WWOX: variants seen among roughly 807,000 people sequenced by gnomAD.
The protein encoded by WWOX is WW domain-containing oxidoreductase.
WWOX carries 69 observed loss-of-function variants against 46.2 expected under a neutral mutation model. The ratio of observed to expected loss-of-function variants is 1.49; its 90% confidence interval spans 1.23 to 1.82. The LOEUF is 1.82. Ranked by LOEUF, WWOX falls within the 40% of genes most tolerant of loss-of-function variation. The pLI, the probability that WWOX is intolerant of heterozygous loss-of-function variation, is 0.00. For synonymous variants in WWOX, 359 were observed against 202.6 expected (o/e 1.77, Z -6.56); for missense variants, 919 against 542.6 (o/e 1.69, Z -6.89).
At chr16:79,085,803 G>C (rs373015490) in intron 8 of WWOX, among the ~76,000 whole-genome samples, 139 of 152,208 alleles carry the variant, frequency 9.1e-4, no homozygotes, top group African/African-American at 3.3e-3. Context: ...CCCAGCACTT[G>C]CGGAAGCTGA....
intron 8 of WWOX, among the ~76,000 whole-genome samples, chr16:79,139,852 T>G (rs1236009651): frequency 1.3e-5 from 2 of 152,228 alleles, no homozygotes; most frequent in African/African-American, 4.8e-5. Context: ...AAACTGATAC[T>G]AATTCTGTTA....
chr16:79,196,185 AGTGAGAGACCAAG>A (rs2051236406), intron 8 of WWOX, among the ~76,000 whole-genome samples: 1 of 152,266 alleles, frequency 6.6e-6, no homozygotes. Flanking sequence ...GTTGGTGAAC[AGTGAGAGACCAAG>A]GTGAGAGACT....
At chr16:78,807,004 G>A (rs187454197) in intron 8 of WWOX, among the ~76,000 whole-genome samples, 2 of 152,222 alleles carry the variant, frequency 1.3e-5, no homozygotes, top group African/African-American at 4.8e-5. Context: ...ATGAAATGGG[G>A]GACACTAATG....
intron 5 of WWOX, among the ~76,000 whole-genome samples, chr16:78,260,899 T>C (rs888610210): frequency 2.2e-5 from 3 of 138,668 alleles, no homozygotes; most frequent in African/African-American, 2.8e-5. Context: ...ATCACACCAC[T>C]GCACTCCAGC....
intron 8 of WWOX, chr16:79,004,129 C>T (rs2047147046): frequency 1.3e-5 from 2 of 152,218 alleles, no homozygotes; most frequent in South Asian, 2.1e-4. Context: ...ATCTCTTTAT[C>T]ATCCGTCTAC....
intron 8 of WWOX, among the ~76,000 whole-genome samples, chr16:79,061,506 G>T (rs1291272241): frequency 6.6e-6 from 1 of 152,180 alleles, no homozygotes; most frequent in African/African-American, 2.4e-5. Flanking sequence ...TACCTGCGGG[G>T]ATACCCATTC....
At chr16:78,292,617 CTT>C (rs77749292) in intron 5 of WWOX, among the ~76,000 whole-genome samples, 1 of 149,976 alleles carries the variant, frequency 6.7e-6, no homozygotes, top group African/African-American at 2.4e-5. Context: ...TGTTCTATAT[CTT>C]TTTTTTTTAA....
intron 8 of WWOX, among the ~76,000 whole-genome samples, chr16:78,895,177 A>G (rs2044674564): frequency 1.3e-5 from 2 of 152,358 alleles, no homozygotes; most frequent in African/African-American, 4.8e-5. Flanking sequence ...TGATAGCATC[A>G]ACGGCTTTAA....
At chr16:78,362,703 G>T (rs543015477) in intron 5 of WWOX, among the ~76,000 whole-genome samples, 1 of 152,154 alleles carries the variant, frequency 6.6e-6, no homozygotes, top group African/African-American at 2.4e-5. Context: ...GGGGCTTGGA[G>T]GGTTTCCAGG....
chr16:78,463,283 G>A (rs775567917), intron 8 of WWOX, among the ~76,000 whole-genome samples: 1 of 152,168 alleles, frequency 6.6e-6, no homozygotes, highest in Non-Finnish European at 1.5e-5. Context: ...GTATAGGTAG[G>A]CATTGTCCAT....
intron 5 of WWOX, among the ~76,000 whole-genome samples, chr16:78,249,879 A>G (rs1410176811): frequency 6.6e-6 from 1 of 152,138 alleles, no homozygotes; most frequent in East Asian, 1.9e-4. Context: ...AAGGGGCACC[A>G]GAAGGAGAAA....
intron 8 of WWOX, among the ~76,000 whole-genome samples, chr16:78,926,016 T>C (rs2045489025): frequency 6.6e-6 from 1 of 152,160 alleles, no homozygotes; most frequent in Non-Finnish European, 1.5e-5. Flanking sequence ...GTGTAAATTG[T>C]AGAGTCTATG....
chr16:78,739,387 A>G (rs28591367), intron 8 of WWOX, among the ~76,000 whole-genome samples: 25,787 of 152,032 alleles, frequency 0.17, 2,913 homozygotes, highest in African/African-American at 0.32. Context: ...GGAGGCACCC[A>G]ACAGTGATTG....
intron 8 of WWOX, among the ~76,000 whole-genome samples, chr16:78,706,865 C>T (rs946498070): frequency 1.1e-4 from 16 of 152,062 alleles, no homozygotes; most frequent in Non-Finnish European, 8.8e-5. Context: ...TGACGCAATC[C>T]TGGCTGGCTG....
At chr16:78,757,002 C>G (rs753707705) in intron 8 of WWOX, 1 of 702,820 alleles carries the variant, frequency 1.4e-6, no homozygotes, top group South Asian at 1.5e-5. Flanking sequence ...ACTGAGCCTC[C>G]TGCCAACAGC....
chr16:78,461,437 G>T (rs976843986), intron 8 of WWOX, among the ~76,000 whole-genome samples: 1 of 152,198 alleles, frequency 6.6e-6, no homozygotes, highest in African/African-American at 2.4e-5. Flanking sequence ...AGAGAATTCT[G>T]GGCATGAGAA....
In WWOX at chr16:78,158,248, G is replaced by A. The variant is rs921788405; in HGVS notation, c.410-5935G>A. Among the ~76,000 whole-genome samples, 4 of 152,260 alleles carry A rather than the reference G, an allele frequency of 2.6e-5. No homozygotes were observed. In the East Asian group the frequency reaches 5.8e-4, roughly 22 times the overall value. ...GAAGATAACGGTATGCTGATTTTGC[G>A]TGCATATTAACATTATCTTGTAAAC... On this transcript the variant is annotated intron_variant, in intron 4 of 8. Coordinates refer to ENST00000566780, the MANE Select transcript of WWOX (RefSeq NM_016373.4).
intron 5 of WWOX, among the ~76,000 whole-genome samples, chr16:78,296,604 A>G (rs958044344): frequency 7.9e-5 from 12 of 151,932 alleles, no homozygotes; most frequent in Non-Finnish European, 1.5e-4. Flanking sequence ...TACAGAAATT[A>G]TACTCTGTAC....
chr16:78,966,044 C>A (rs990045773), intron 8 of WWOX, among the ~76,000 whole-genome samples: 1 of 152,174 alleles, frequency 6.6e-6, no homozygotes. Flanking sequence ...TGTGCCTCAT[C>A]AATTTTGGAT....
Sources: gnomAD v4.1 joint callset for allele counts (sites outside exome capture counted in the v4.1 genomes callset) on GRCh38, gnomAD v4.1.1 for gene constraint, MANE v1.5 for transcripts, NCBI Gene and HGNC (gene_info 2026-07-23, HGNC 2026-07-21) for gene names.